Variants in AKR7A2 observed in about 807,000 individuals in gnomAD.
The protein encoded by AKR7A2 is aflatoxin B1 aldehyde reductase member 2.
AKR7A2 carries 29 observed loss-of-function variants against 37.3 expected under a neutral mutation model. That is an observed-to-expected ratio of 0.78 (90% CI 0.58 to 1.06). The LOEUF (loss-of-function observed/expected upper bound fraction) is 1.06, where lower values mean the gene tolerates loss of function less well. Ranked by LOEUF, AKR7A2 falls within the 50% of genes least tolerant of loss-of-function variation. The pLI is 0.00. For synonymous variants in AKR7A2, 228 were observed against 217.8 expected (o/e 1.05, Z -0.41); for missense variants, 529 against 497.9 (o/e 1.06, Z -0.59).
downstream of AKR7A2, among the ~76,000 whole-genome samples, chr1:19,303,605 G>A (rs953624395): frequency 6.6e-5 from 10 of 152,220 alleles, no homozygotes; most frequent in African/African-American, 1.9e-4. Flanking sequence ...AAGATTGAGA[G>A]CTTCAAGATG....
intron 1 of AKR7A2, among the ~76,000 whole-genome samples, chr1:19,310,640 C>T (rs2093771360): frequency 6.6e-6 from 1 of 152,136 alleles, no homozygotes; most frequent in South Asian, 2.1e-4. Flanking sequence ...CCATTGCACT[C>T]CACCCTGGGT....
In AKR7A2 at chr1:19,311,799, C is replaced by T. The variant is rs376504937; in HGVS notation, c.298+28G>A. The T allele has an allele frequency of 4.3e-5, 69 of 1,609,718 alleles. No homozygotes were observed. The African/African-American group carries it at 8.5e-4, about 20-fold the overall frequency. On this transcript the variant is annotated intron_variant, in intron 1 of 6. Coordinates refer to ENST00000235835, the MANE Select transcript of AKR7A2 (RefSeq NM_003689.4). ...GGGACAGGCTCAGCTCTACACGATG[C>T]ATGGGGAGGATCTGCAGCTACTGTT...
Position 19,308,818 on chromosome 1 carries a change from G to C in AKR7A2, c.299-176C>G, listed in dbSNP as rs566967958. On this transcript the variant is annotated intron_variant, in intron 1 of 6. Transcript: ENST00000235835. ...GGGGATTAAATAATGTCATATATGT[G>C]AGTTCTCAATGTTCACCTATTAGAA... Among the ~76,000 whole-genome samples the C allele has an allele frequency of 3.9e-5, 6 of 152,300 alleles. No homozygotes were observed. The East Asian group carries it at 9.6e-4, about 24-fold the overall frequency.
downstream of AKR7A2, among the ~76,000 whole-genome samples, chr1:19,303,502 G>A (rs2093755726): frequency 6.6e-6 from 1 of 152,128 alleles, no homozygotes; most frequent in African/African-American, 2.4e-5. Context: ...GGCTGCCTAT[G>A]TCTGTCCCCA....
Position 19,312,074 on chromosome 1 carries a change from C to G in AKR7A2, c.51G>C (p.Ala17=), listed in dbSNP as rs1193142795. The G allele has an allele frequency of 8.1e-6, 11 of 1,351,900 alleles. No individual in the cohort carries two copies. The African/African-American group carries it at 1.4e-4, about 17-fold the overall frequency. The allele number at this position is 1,351,900 out of a possible 1,614,324, so 83.7% of individuals were successfully genotyped here. Residue 17 remains alanine, a synonymous_variant, in exon 1 of 7, where the codon GCG becomes GCC. Coordinates refer to ENST00000235835, the MANE Select transcript of AKR7A2 (RefSeq NM_003689.4). ...GGGCCTCGGGCGGCGGAGAGCGAAG[C>G]GCGCAGTGGACGGCGGCGCGGGAGA... ...RVVSRAAVHC[A]LRSPPPEARA...
chr1:19,311,506 G>A (rs565262562), intron 1 of AKR7A2, among the ~76,000 whole-genome samples: 2 of 152,340 alleles, frequency 1.3e-5, no homozygotes, highest in African/African-American at 2.4e-5. Flanking sequence ...AAGGGGGAGA[G>A]CCTGGGTGGG....
Position 19,304,107 on chromosome 1 carries a change from G to A in AKR7A2, c.*118C>T. 1 of 1,512,244 alleles carries A rather than the reference G, an allele frequency of 6.6e-7. No homozygotes were observed. The highest frequency in any genetic ancestry group is 9.2e-7 in the Non-Finnish European group (1 of 1,092,458). The allele number at this position is 1,512,244 out of a possible 1,614,324, so 93.7% of individuals were successfully genotyped here. A position where few individuals can be genotyped will look rare whatever the true frequency, so the allele number is the denominator to read the frequency against. ...CAAGGCAGGAAGCTAGAAAAATAAT[G>A]CATGGATCTAGACAATTCAGAAAAA... is the stretch of plus-strand genomic sequence containing the variant. On this transcript the variant is annotated 3_prime_UTR_variant, in exon 7 of 7. Coordinates refer to ENST00000235835, the MANE Select transcript of AKR7A2 (RefSeq NM_003689.4).
chr1:19,309,410 A>T (rs2093768260), intron 1 of AKR7A2, among the ~76,000 whole-genome samples: 1 of 152,230 alleles, frequency 6.6e-6, no homozygotes, highest in Non-Finnish European at 1.5e-5. Context: ...CGAAGCAGCC[A>T]CATAAATGTG....
At chr1:19,305,631 C>T (rs2093760212) in intron 6 of AKR7A2, among the ~76,000 whole-genome samples, 2 of 152,150 alleles carry the variant, frequency 1.3e-5, no homozygotes, top group Admixed American at 1.3e-4. Flanking sequence ...GGGTCACTGC[C>T]ACTGATCAGG....
chr1:19,306,152 G>A lies in AKR7A2; in HGVS notation c.789-5C>T. The A allele has an allele frequency of 6.2e-7, 1 of 1,614,224 alleles. No homozygotes were observed. Among genetic ancestry groups the A allele is most frequent in the Non-Finnish European group, 8.5e-7 (1 of 1,180,028 alleles). On this transcript the variant is annotated splice_region_variant and splice_polypyrimidine_tract_variant and intron_variant, in intron 5 of 6. Coordinates refer to ENST00000235835, the MANE Select transcript of AKR7A2 (RefSeq NM_003689.4). ...AAGTGGTGCTCCTTCCAGAAGCTGT[G>A]CAGAGGGGATGTTAGCACAGGGGTC...
Position 19,311,999 on chromosome 1 carries a change from C to T in AKR7A2, c.126G>A (p.Leu42=), listed in dbSNP as rs751722664. The change falls in exon 1 of 7, where the codon CTG becomes CTA. Residue 42 remains leucine, a synonymous_variant. Coordinates refer to ENST00000235835, the MANE Select transcript of AKR7A2 (RefSeq NM_003689.4). ...RPPPPRVASV[L]GTMEMGRRMD... ...TGCGGCGCCCCATCTCCATGGTGCC[C>T]AGCACCGAGGCGACCCGCGGTGGCG... 4.6e-6 allele frequency: 7 copies of T among 1,529,116 alleles called. No homozygotes were observed. Among genetic ancestry groups the T allele is most frequent in the Non-Finnish European group, 5.3e-6 (6 of 1,140,500 alleles). 94.7% of individuals were successfully genotyped at this position (1,529,116 alleles called of 1,614,324 possible).
chr1:19,310,276 C>T (rs950361408), intron 1 of AKR7A2, among the ~76,000 whole-genome samples: 2 of 152,192 alleles, frequency 1.3e-5, no homozygotes, highest in African/African-American at 4.8e-5. Flanking sequence ...CCCAGGCATT[C>T]TTGGCATGAA....
In AKR7A2 at chr1:19,308,142, C is replaced by A. The variant is rs1448062753; in HGVS notation, c.591+16G>T. On this transcript the variant is annotated intron_variant, in intron 3 of 6. Transcript: ENST00000235835. Reference sequence around the variant, plus strand: ...GGAGTCCTGGAGACCTTGGCCTCTGCAGCCCCGGCCCTCACCTGGTACACA... The same window carrying A: ...GGAGTCCTGGAGACCTTGGCCTCTGAAGCCCCGGCCCTCACCTGGTACACA... The A allele has an allele frequency of 8.1e-6, 13 of 1,613,792 alleles. No homozygotes were observed. The highest frequency in any genetic ancestry group is 1.0e-5 in the Non-Finnish European group (12 of 1,179,850).
intron 6 of AKR7A2, among the ~76,000 whole-genome samples, chr1:19,304,671 C>T (rs113982830): frequency 3.1e-4 from 47 of 152,196 alleles, no homozygotes; most frequent in Non-Finnish European, 6.0e-4. Flanking sequence ...CACAGAGGCT[C>T]ATGCCTGCAA....
Position 19,306,008 on chromosome 1 carries a change from C to T in AKR7A2, c.918+10G>A, listed in dbSNP as rs200855035. The T allele has an allele frequency of 8.4e-5, 136 of 1,613,716 alleles. No individual in the cohort carries two copies. In the African/African-American group the frequency reaches 1.7e-3, roughly 20 times the overall value. On this transcript the variant is annotated intron_variant, in intron 6 of 6. Coordinates refer to ENST00000235835, the MANE Select transcript of AKR7A2 (RefSeq NM_003689.4). ...AGGGAAGAAGCTGAGCACCCAGGGT[C>T]GCTGGTTACCTGCAGCTGTGAGTGG...
chr1:19,311,711 G>A (rs2151991531), intron 1 of AKR7A2, 116 bp downstream of exon 1: 1 of 1,340,920 alleles, frequency 7.5e-7, no homozygotes, highest in Non-Finnish European at 1.0e-6. Flanking sequence ...CTGGGGTGGG[G>A]AGCGAGGGAC....
intron 4 of AKR7A2, 24 bp downstream of exon 4, chr1:19,307,290 C>T: frequency 1.2e-6 from 2 of 1,612,590 alleles, no homozygotes; most frequent in Non-Finnish European, 1.7e-6. Context: ...TAGGCTGAGA[C>T]AGGGTCAGGA....
At chr1:19,305,809 A>G (rs1308651603) in intron 6 of AKR7A2, among the ~76,000 whole-genome samples, 2 of 152,374 alleles carry the variant, frequency 1.3e-5, no homozygotes, top group Admixed American at 1.3e-4. Flanking sequence ...CAGAAAGCCT[A>G]AGGAATAAGA....
rs752046862 is a variant in AKR7A2, at chr1:19,308,459, T to A, written c.482A>T (p.Gln161Leu). The A allele has an allele frequency of 1.2e-6, 2 of 1,613,716 alleles. No individual in the cohort carries two copies. Among genetic ancestry groups the A allele is most frequent in the African/African-American group, 2.7e-5 (2 of 75,036 alleles). ...ETLHACQRLH[Q>L]EGKFVELGLS... ...GAGCTCGGAGGGCCCCCTCACCTCC[T>A]GGTGCAGCCGCTGGCAGGCATGCAG... Residue 161 changes from glutamine to leucine, a missense_variant, in exon 2 of 7, where the codon CAG (glutamine) becomes CTG (leucine). Coordinates refer to ENST00000235835, the MANE Select transcript of AKR7A2 (RefSeq NM_003689.4).
Sources: allele counts gnomAD v4.1 joint callset (sites outside exome capture counted in the v4.1 genomes callset), GRCh38; gene constraint gnomAD v4.1.1; transcripts MANE v1.5; gene names NCBI Gene and HGNC (gene_info 2026-07-23, HGNC 2026-07-21).